ZNF12: variants seen among roughly 807,000 people sequenced by gnomAD.
The protein encoded by ZNF12 is gonadotropin inducible transcription repressor 3.
A neutral mutation model predicts 66.6 loss-of-function variants in ZNF12; 34 were observed. The ratio of observed to expected loss-of-function variants is 0.51; its 90% confidence interval spans 0.39 to 0.68. The LOEUF is 0.68. Among genes scored for constraint, ZNF12 ranks in the 30% least tolerant of loss-of-function variants. The pLI is 0.00. For synonymous variants in ZNF12, 320 were observed against 278.9 expected (o/e 1.15, Z -1.47); for missense variants, 697 against 826.9 (o/e 0.84, Z 1.93).
intron 2 of ZNF12, among the ~76,000 whole-genome samples, chr7:6,702,504 A>G (rs75075532): frequency 4.2e-5 from 1 of 23,566 alleles, no homozygotes; most frequent in Admixed American, 3.4e-4. Flanking sequence ...ACACACACAC[A>G]CACAGATTTA....
chr7:6,698,322 G>C lies in ZNF12; in HGVS notation c.16-511C>G. On this transcript the variant is annotated intron_variant, in intron 2 of 4. Coordinates refer to ENST00000405858, the MANE Select transcript of ZNF12 (RefSeq NM_016265.4). The surrounding 1 kb of genome is among the most constrained non-coding windows in gnomAD (Gnocchi z 4.4). The stretch of plus-strand genomic sequence containing the variant: ...CTTTTTCTCTTTGCTGTCTGTACTT[G>C]CTGCTTTGATGGTGAGCCCTCTTCC... Among the ~76,000 whole-genome samples, 1 of 152,016 alleles carries C rather than the reference G, an allele frequency of 6.6e-6. No individual in the cohort carries two copies. Among genetic ancestry groups the C allele is most frequent in the African/African-American group, 2.4e-5 (1 of 41,376 alleles).
rs1780187419 is a variant in ZNF12, at chr7:6,698,560, C to T, written c.16-749G>A. On this transcript the variant is annotated intron_variant, in intron 2 of 4. Coordinates refer to ENST00000405858, the MANE Select transcript of ZNF12 (RefSeq NM_016265.4). The surrounding 1 kb of genome is among the most constrained non-coding windows in gnomAD (Gnocchi z 4.4). ...CACAATTACCAAAATAACAAACAGG[C>T]TGGGCAACACACATTCTAGTTTTTA... 6.6e-6 allele frequency among the ~76,000 whole-genome samples: 1 copy of T among 152,202 alleles called. No homozygotes were observed. The highest frequency in any genetic ancestry group is 6.5e-5 in the Admixed American group (1 of 15,278).
At position 6,706,412 on chromosome 7, in the gene ZNF12, C is replaced by A; in HGVS notation, c.-51+20G>T. 2.1e-6 allele frequency: 1 copy of A among 469,654 alleles called. No homozygotes were observed. Among genetic ancestry groups the A allele is most frequent in the Admixed American group, 2.3e-5 (1 of 44,198 alleles). The allele number at this position is 469,654 out of a possible 1,614,324, so 29.1% of individuals were successfully genotyped here. On this transcript the variant is annotated intron_variant, in intron 1 of 4. Coordinates refer to ENST00000405858, the MANE Select transcript of ZNF12 (RefSeq NM_016265.4). ...TCACCCAGGCCCTTCTCGCCCCGGG[C>A]CCGCAAACCCACGACTTACCCTCCT...
In ZNF12 at chr7:6,691,399, G is replaced by A. The variant is rs371231883; in HGVS notation, c.1543C>T (p.His515Tyr). Residue 515 changes from histidine to tyrosine, a missense_variant, in exon 5 of 5, where the codon CAT becomes TAT. Physicochemically the swap from His to Tyr is moderately conservative, Grantham distance 83. Around this residue, in one of 3 missense-constraint regions of ZNF12, gnomAD observed 401 missense variants for 519.0 expected, o/e 0.77. Coordinates refer to ENST00000405858, the MANE Select transcript of ZNF12 (RefSeq NM_016265.4). ...LSYLTIHHRT[H>Y]SGVKPYECSE... ...CATTCATAGGGTTTTACTCCTGAAT[G>A]AGTTCTATGATGGATAGTGAGGTAT... 1 of 1,614,014 alleles carries A rather than the reference G, an allele frequency of 6.2e-7. No homozygotes were observed. Among genetic ancestry groups the A allele is most frequent in the Non-Finnish European group, 8.5e-7 (1 of 1,179,912 alleles).
rs59783256 is a variant in ZNF12 at position 6,700,336 on chromosome 7, C to CACACACAT, written c.16-2526_16-2525insATGTGTGT. On this transcript the variant is annotated intron_variant, in intron 2 of 4. Transcript: ENST00000405858. ...ACACACACACACACACACACACACACATATATATACATATGTGCCAGGGAC... is the reference window on the plus strand; with the variant it reads ...ACACACACACACACACACACACACACACACACATATATATATACATATGTGCCAGGGAC... Among the ~76,000 whole-genome samples the CACACACAT allele has an allele frequency of 4.7e-3, 679 of 143,032 alleles. 5 individuals carry two copies. The highest frequency in any genetic ancestry group is 0.022 in the East Asian group (108 of 4,940). 93.8% of individuals were successfully genotyped at this position (143,032 alleles called of 152,430 possible). A position where few individuals can be genotyped will look rare whatever the true frequency, so the allele number is the denominator to read the frequency against.
At chr7:6,699,100 T>C (rs997901125) in intron 2 of ZNF12, among the ~76,000 whole-genome samples, 23 of 152,226 alleles carry the variant, frequency 1.5e-4, no homozygotes, top group Non-Finnish European at 2.9e-5. Flanking sequence ...TTGTTATTTA[T>C]GTAATTGGCA....
intron 4 of ZNF12, among the ~76,000 whole-genome samples, chr7:6,694,075 G>A (rs1382193084): frequency 6.6e-6 from 1 of 151,972 alleles, no homozygotes; most frequent in African/African-American, 2.4e-5. Context: ...GCTGAGGCAG[G>A]AGAATCGCTT....
intron 4 of ZNF12, among the ~76,000 whole-genome samples, chr7:6,694,193 A>G (rs1780119127): frequency 6.7e-6 from 1 of 149,454 alleles, no homozygotes; most frequent in South Asian, 2.1e-4. Flanking sequence ...CAAACAAAAC[A>G]AACAAACAAA....
At chr7:6,702,325 C>CACACACAT (rs58794992) in intron 2 of ZNF12, among the ~76,000 whole-genome samples, 1 of 10,670 alleles carries the variant, frequency 9.4e-5, no homozygotes, top group African/African-American at 3.0e-4. Context: ...CACACACACA[C>CACACACAT]CAGATTCGTC....
At position 6,697,334 on chromosome 7, in the gene ZNF12, C is replaced by G; in HGVS notation, c.238+5G>C. 2 of 1,601,168 alleles carry G rather than the reference C, an allele frequency of 1.2e-6. No individual in the cohort carries two copies. Among genetic ancestry groups the G allele is most frequent in the Non-Finnish European group, 1.7e-6 (2 of 1,173,434 alleles). Reference sequence around the variant, plus strand: ...CCGATCTCCTCACTGCCTCCACTAACACACCTGGATAGCTCTGAAGTAGGA... The same window carrying G: ...CCGATCTCCTCACTGCCTCCACTAAGACACCTGGATAGCTCTGAAGTAGGA... On this transcript the variant is annotated splice_donor_5th_base_variant and intron_variant, in intron 4 of 4. Transcript: ENST00000405858. The surrounding 1 kb of genome is among the most constrained non-coding windows in gnomAD (Gnocchi z 6.1).
At position 6,698,774 on chromosome 7, in the gene ZNF12, G is replaced by C. The variant is rs973569235; in HGVS notation, c.16-963C>G. 1.3e-5 allele frequency among the ~76,000 whole-genome samples: 2 copies of C among 152,178 alleles called. No homozygotes were observed. The highest frequency in any genetic ancestry group is 2.9e-5 in the Non-Finnish European group (2 of 68,036). On this transcript the variant is annotated intron_variant, in intron 2 of 4. Coordinates refer to ENST00000405858, the MANE Select transcript of ZNF12 (RefSeq NM_016265.4). This position sits in a 1 kb window ranked among gnomAD's most constrained non-coding sequence, Gnocchi z 4.4. Reference sequence around the variant, plus strand: ...GGAACAGACAGCTGACCTGGAAACTGTCAAAACCACATCTATAAATGTGTA... The same window carrying C: ...GGAACAGACAGCTGACCTGGAAACTCTCAAAACCACATCTATAAATGTGTA...
chr7:6,689,074 TCC>T lies in ZNF12; in HGVS notation c.*1772_*1773del, dbSNP rs1780028836. 1 of 152,470 alleles carries T rather than the reference TCC, an allele frequency of 6.6e-6. No individual in the cohort carries two copies. The highest frequency in any genetic ancestry group is 6.5e-5 in the Admixed American group (1 of 15,280). 9.4% of individuals were successfully genotyped at this position (152,470 alleles called of 1,614,324 possible). A position where few individuals can be genotyped will look rare whatever the true frequency, so the allele number is the denominator to read the frequency against. ...AAAGTCCACTTCTGAACTGCATAAC[TCC>T]TATAAAGGTTTCAGTCTGTACCAAT... On this transcript the variant is annotated 3_prime_UTR_variant, in exon 5 of 5. Transcript: ENST00000405858.
Position 6,690,655 on chromosome 7 carries a change from T to A in ZNF12, c.*193A>T, listed in dbSNP as rs1583461931. On this transcript the variant is annotated 3_prime_UTR_variant, in exon 5 of 5. Transcript: ENST00000405858. ...AAATTTTTACTTGTCTATAGTCTAG[T>A]ATTGTTATACCATGTGGTCTTGTTA... is the stretch of plus-strand genomic sequence containing the variant. The A allele has an allele frequency of 1.7e-6, 1 of 576,766 alleles. No homozygotes were observed. Among genetic ancestry groups the A allele is most frequent in the East Asian group, 2.9e-5 (1 of 34,788 alleles). 35.7% of individuals were successfully genotyped at this position (576,766 alleles called of 1,614,324 possible).
In ZNF12 at chr7:6,692,269, C is replaced by G; in HGVS notation, c.673G>C (p.Ala225Pro). 6.2e-7 allele frequency: 1 copy of G among 1,613,338 alleles called. No individual in the cohort carries two copies. ...ACAAAAACAGTGTCCTTTTGGAAGG[C>G]TTTCTGGCATTCAATATATTCAAAA... ...KPFEYIECQK[A>P]FQKDTVFVNH... is the part of the protein sequence containing the mutation. The change falls in exon 5 of 5, where the codon GCC (alanine) becomes CCC (proline). Residue 225 changes from alanine to proline, a missense_variant. Transcript: ENST00000405858. The surrounding 1 kb of genome is among the most constrained non-coding windows in gnomAD (Gnocchi z 5.1).
intron 2 of ZNF12, among the ~76,000 whole-genome samples, chr7:6,700,288 G>GAAA (rs746625308): frequency 4.6e-4 from 49 of 105,598 alleles, no homozygotes; most frequent in African/African-American, 1.8e-3. Context: ...CCGTCTGAGA[G>GAAA]GAAAAAAAAA....
rs147255188 is a variant in ZNF12 at position 6,691,522 on chromosome 7, A to C, written c.1420T>G (p.Phe474Val). The C allele has an allele frequency of 1.2e-6, 2 of 1,614,112 alleles. No individual in the cohort carries two copies. Among genetic ancestry groups the C allele is most frequent in the Non-Finnish European group, 1.7e-6 (2 of 1,179,986 alleles). The change falls in exon 5 of 5, where the codon TTC becomes GTC. Residue 474 changes from phenylalanine (F) to valine (V), a missense_variant. Phe to Val is a conservative substitution (Grantham distance 50, BLOSUM62 -1). Transcript: ENST00000405858. ...CTCATGAGGGCTGAATTCAGGTAGA[A>C]GGTTTTTCCACATTCATTACATTCA... ...PYECNECGKT[F>V]YLNSALMRHQ...
Position 6,697,697 on chromosome 7 carries a change from G to A in ZNF12, c.130C>T (p.Leu44=). The A allele has an allele frequency of 6.2e-7, 1 of 1,614,050 alleles. No homozygotes were observed. Among genetic ancestry groups the A allele is most frequent in the Non-Finnish European group, 8.5e-7 (1 of 1,179,976 alleles). The change falls in exon 3 of 5, where the codon CTA becomes TTA. Residue 44 remains leucine (L), a synonymous_variant. Coordinates refer to ENST00000405858, the MANE Select transcript of ZNF12 (RefSeq NM_016265.4). The surrounding 1 kb of genome is among the most constrained non-coding windows in gnomAD (Gnocchi z 6.1). ...RDVMLENYSN[L]VSVGYHIIKP... ...AAGCTATCCTCACCCACAGAAACTAGATTGCTGTAGTTCTCCAGCATCACA... is the reference window on the plus strand; with the variant it reads ...AAGCTATCCTCACCCACAGAAACTAAATTGCTGTAGTTCTCCAGCATCACA...
intron 1 of ZNF12, 66 bp downstream of exon 1, chr7:6,706,366 G>A (rs903063711): frequency 3.3e-5 from 15 of 455,342 alleles, no homozygotes; most frequent in Non-Finnish European, 8.8e-6. Flanking sequence ...CTCACTCTAA[G>A]GTGCCCTACA....
intron 1 of ZNF12, among the ~76,000 whole-genome samples, chr7:6,706,223 G>A (rs920046941): frequency 5.9e-5 from 9 of 152,202 alleles, no homozygotes; most frequent in African/African-American, 1.9e-4. Flanking sequence ...GGGGTGAGGG[G>A]GGAGTGGAGA....
Sources: gnomAD v4.1 joint callset for allele counts (sites outside exome capture counted in the v4.1 genomes callset) on GRCh38, gnomAD v4.1.1 for gene constraint, gnomAD v4.1.1 regional missense constraint, Gnocchi (gnomAD v3.1) non-coding constraint, MANE v1.5 for transcripts, NCBI Gene and HGNC (gene_info 2026-07-23, HGNC 2026-07-21) for gene names.